Variants in PDE10A observed in about 807,000 individuals in gnomAD.
The protein encoded by PDE10A is phosphodiesterase 10A.
PDE10A carries 39 observed loss-of-function variants against 97.7 expected under a neutral mutation model. The observed-to-expected ratio is 0.40, with a 90% CI of 0.31 to 0.52. The LOEUF is 0.52. Among genes scored for constraint, PDE10A ranks in the 20% least tolerant of loss-of-function variants. The pLI is 0.56. For missense variants in PDE10A, 731 were observed against 1,047.8 expected, an observed-to-expected ratio of 0.70 and a Z score of 4.17; for synonymous variants, 371 against 376.8, an observed-to-expected ratio of 0.98 and a Z score of 0.18.
At chr6:165,476,939 AT>A (rs917261264) in intron 3 of PDE10A, among the ~76,000 whole-genome samples, 107 of 152,288 alleles carry the variant, frequency 7.0e-4, no homozygotes, top group African/African-American at 2.5e-3. Flanking sequence ...CTATTCTGAC[AT>A]TTTTATCTCC....
At chr6:165,927,451 GT>G (rs1007441481) in intron 1 of PDE10A, among the ~76,000 whole-genome samples, 1 of 151,720 alleles carries the variant, frequency 6.6e-6, no homozygotes, top group Non-Finnish European at 1.5e-5. Context: ...TTAAAAGGCA[GT>G]TTTTTAACAA....
chr6:165,954,635 C>T (rs62425366), intron 1 of PDE10A, among the ~76,000 whole-genome samples: 5 of 152,128 alleles, frequency 3.3e-5, no homozygotes, highest in African/African-American at 4.8e-5. Flanking sequence ...CCACCTGTGC[C>T]GACTCCAGCT....
intron 1 of PDE10A, among the ~76,000 whole-genome samples, chr6:165,832,131 G>C (rs1779938928): frequency 6.6e-6 from 1 of 151,922 alleles, no homozygotes. Context: ...CTAGTATTTT[G>C]TTTTAGAATA....
intron 9 of PDE10A, among the ~76,000 whole-genome samples, chr6:165,429,800 G>A (rs1030127447): frequency 6.6e-6 from 1 of 151,828 alleles, no homozygotes; most frequent in African/African-American, 2.4e-5. Context: ...CCAGCCAAAG[G>A]GATTTTTTCT....
chr6:165,943,230 AGAAAGAAGGAAGGAAGGAAGGAAGGAAG>A (rs1562809801), intron 1 of PDE10A, among the ~76,000 whole-genome samples: 498 of 40,094 alleles, frequency 0.012, 14 homozygotes, highest in Admixed American at 0.027. Flanking sequence ...AAAGAAAGAA[AGAAAGAAGGAAGGAAGGAAGGAAGGAAG>A]GAAGGAAGGA....
chr6:165,790,147 C>G (rs1778608325), intron 1 of PDE10A, among the ~76,000 whole-genome samples: 1 of 152,194 alleles, frequency 6.6e-6, no homozygotes, highest in Non-Finnish European at 1.5e-5. Flanking sequence ...AGAGATTTTT[C>G]TAACTTCTAG....
chr6:165,897,122 A>C (rs1181293984), intron 1 of PDE10A, among the ~76,000 whole-genome samples: 4 of 152,176 alleles, frequency 2.6e-5, no homozygotes, highest in African/African-American at 9.7e-5. Context: ...AAAATATGGA[A>C]AAGCAAACGG....
In PDE10A at chr6:165,640,245, T is replaced by G. The variant is rs942640582; in HGVS notation, c.865+21702A>C. ...TCTAATGGTTTCTATTTACCAGTGT[T>G]TTAAAAATTTTTTAAAAATTGCCTG... On this transcript the variant is annotated intron_variant, in intron 1 of 21. Coordinates refer to ENST00000539869, the MANE Select transcript of PDE10A (RefSeq NM_001385079.1). 2.6e-5 allele frequency among the ~76,000 whole-genome samples: 4 copies of G among 152,316 alleles called. No individual in the cohort carries two copies. In the East Asian group the frequency reaches 7.7e-4, roughly 29 times the overall value.
chr6:165,685,584 A>C (rs1361673320), intron 1 of PDE10A, among the ~76,000 whole-genome samples: 2 of 152,120 alleles, frequency 1.3e-5, no homozygotes, highest in African/African-American at 2.4e-5. Context: ...TTTGGAGGAA[A>C]TGTTTTGTGT....
At chr6:165,714,286 C>A (rs1223444100) in intron 1 of PDE10A, among the ~76,000 whole-genome samples, 1 of 152,196 alleles carries the variant, frequency 6.6e-6, no homozygotes, top group Non-Finnish European at 1.5e-5. Context: ...GAGGGGGTGG[C>A]GTGCCGTAGC....
chr6:165,958,921 C>T (rs552465585), intron 1 of PDE10A, among the ~76,000 whole-genome samples: 1 of 152,262 alleles, frequency 6.6e-6, no homozygotes, highest in East Asian at 1.9e-4. Context: ...TGTGTTAGCT[C>T]ATCACTTTCA....
chr6:165,619,371 G>A (rs116678515), intron 1 of PDE10A, among the ~76,000 whole-genome samples: 1,536 of 6,796 alleles, frequency 0.23, 112 homozygotes, highest in African/African-American at 0.42. Flanking sequence ...AGTGTAGTGT[G>A]GTGTAGTGTA....
intron 9 of PDE10A, 111 bp downstream of exon 9, chr6:165,430,176 C>T (rs528607436): frequency 1.1e-4 from 75 of 702,974 alleles, no homozygotes; most frequent in South Asian, 1.0e-3. Context: ...CTTGTAAAGA[C>T]GGATCTTCAG....
At chr6:165,361,299 T>C (rs1251066262) in intron 18 of PDE10A, among the ~76,000 whole-genome samples, 1 of 152,102 alleles carries the variant, frequency 6.6e-6, no homozygotes, top group East Asian at 1.9e-4. Context: ...AAATCAAATG[T>C]CAGGAAATAA....
chr6:165,905,751 A>G (rs989969084), intron 1 of PDE10A, among the ~76,000 whole-genome samples: 1 of 152,054 alleles, frequency 6.6e-6, no homozygotes, highest in Non-Finnish European at 1.5e-5. Context: ...CATAAAATCC[A>G]AATATTAACA....
At chr6:165,961,730 C>T (rs549507117) in intron 1 of PDE10A, among the ~76,000 whole-genome samples, 19 of 152,342 alleles carry the variant, frequency 1.2e-4, no homozygotes, top group Admixed American at 7.2e-4. Flanking sequence ...TCAGGCTTTT[C>T]AGAGCCCCAG....
At chr6:165,582,942 A>G (rs1321775935) in intron 1 of PDE10A, among the ~76,000 whole-genome samples, 1 of 152,146 alleles carries the variant, frequency 6.6e-6, no homozygotes, top group Non-Finnish European at 1.5e-5. Context: ...CGTGCGGCAA[A>G]TAACTCAAAA....
chr6:165,888,955 C>T (rs916435808), intron 1 of PDE10A, among the ~76,000 whole-genome samples: 2 of 152,234 alleles, frequency 1.3e-5, no homozygotes, highest in Non-Finnish European at 2.9e-5. Flanking sequence ...ATCAGAAGTC[C>T]TGCAATCACA....
chr6:165,920,281 G>A (rs566837044), intron 1 of PDE10A, among the ~76,000 whole-genome samples: 23 of 152,280 alleles, frequency 1.5e-4, no homozygotes, highest in African/African-American at 5.3e-4. Context: ...TGTATGCCAT[G>A]ATCAAGGGCA....
Sources: gnomAD v4.1 joint callset for allele counts (sites outside exome capture counted in the v4.1 genomes callset) on GRCh38, gnomAD v4.1.1 for gene constraint, MANE v1.5 for transcripts, NCBI Gene and HGNC (gene_info 2026-07-23, HGNC 2026-07-21) for gene names.